NEB: variants seen among roughly 807,000 people sequenced by gnomAD.
NEB encodes nemaline myopathy type 2.
A neutral mutation model predicts 952.2 loss-of-function variants in NEB; 512 were observed. The observed-to-expected ratio is 0.54, with a 90% CI of 0.50 to 0.58. The LOEUF is 0.58. Among genes scored for constraint, NEB ranks in the 20% least tolerant of loss-of-function variants. The pLI is 0.00. For synonymous variants in NEB, 2,900 were observed against 3,149.8 expected (o/e 0.92, Z 2.66); for missense variants, 8,428 against 9,231.1 (o/e 0.91, Z 3.56).
In NEB at chr2:151,697,609, T is replaced by C. The variant is rs2099605680; in HGVS notation, c.1192A>G (p.Ser398Gly). ...KENYEKTKAK[S>G]INYCETPKFK... ...TTGGGGGTCTCGCAGTAATTTATGC[T>C]CTTTGCTTTTGTCTTTTCATAGTTT... Residue 398 changes from serine (S) to glycine (G), a missense_variant, in exon 14 of 182, where the codon AGC becomes GGC. Ser to Gly is a moderately conservative substitution (Grantham distance 56). This residue lies in a region of NEB where 2,851 missense variants were observed against 2,791.5 expected (regional missense o/e 1.02). Transcript: ENST00000397345. 6.2e-7 allele frequency: 1 copy of C among 1,612,252 alleles called. No homozygotes were observed. The highest frequency in any genetic ancestry group is 1.1e-5 in the South Asian group (1 of 90,568).
chr2:151,640,708 T>C (rs1277078714), intron 60 of NEB, 42 bp from the exon 61 acceptor site: 17 of 1,561,754 alleles, frequency 1.1e-5, no homozygotes, highest in Admixed American at 1.9e-5. Context: ...TTTTAACTTT[T>C]AGTAAAAAGC....
intron 52 of NEB, among the ~76,000 whole-genome samples, 199 bp downstream of exon 52, chr2:151,653,793 C>T (rs568910689): frequency 1.3e-5 from 2 of 152,124 alleles, no homozygotes; most frequent in Admixed American, 6.6e-5. Context: ...TCGTCTGGCC[C>T]GACCTCTATT....
rs1411223648 is a variant in NEB, at chr2:151,547,501, C to T, written c.20295G>A (p.Gln6765=). 1 of 1,606,794 alleles carries T rather than the reference C, an allele frequency of 6.2e-7. No individual in the cohort carries two copies. The highest frequency in any genetic ancestry group is 1.3e-5 in the African/African-American group (1 of 74,862). Residue 6765 remains glutamine (Q), a synonymous_variant, in exon 133 of 182, where the codon CAG becomes CAA. Coordinates refer to ENST00000397345, the MANE Select transcript of NEB (RefSeq NM_001164508.2). The part of the protein sequence containing the change: ...LIYKSDFFKM[Q]GHMISLPYTP... ...TGTATGGCAGAGAGATCATGTGGCC[C>T]TGCATCTTGAAGAAGTCTGATTTGT...
rs1175304180 is a variant in NEB, at chr2:151,700,003, C to T, written c.1153-2355G>A. Reference sequence around the variant, plus strand: ...AGGGTTTTTATGGTTTTAGGTCTAACGTTTAAGTCTTTAATCCATCTTGAA... The same window carrying T: ...AGGGTTTTTATGGTTTTAGGTCTAATGTTTAAGTCTTTAATCCATCTTGAA... On this transcript the variant is annotated intron_variant, in intron 13 of 181. Coordinates refer to ENST00000397345, the MANE Select transcript of NEB (RefSeq NM_001164508.2). 1.1e-3 allele frequency among the ~76,000 whole-genome samples: 140 copies of T among 130,908 alleles called. No homozygotes were observed. The East Asian group carries it at 0.025, about 23-fold the overall frequency. The allele number at this position is 130,908 out of a possible 152,430, so 85.9% of individuals were successfully genotyped here.
chr2:151,567,119 CA>C (rs2096441430), intron 114 of NEB, 48 bp downstream of exon 114: 2 of 1,455,818 alleles, frequency 1.4e-6, no homozygotes, highest in East Asian at 2.3e-5. Context: ...TCATCATTCT[CA>C]GAGTGTACCA....
At chr2:151,707,732 T>C (rs1305781593) in intron 12 of NEB, among the ~76,000 whole-genome samples, 1 of 152,124 alleles carries the variant, frequency 6.6e-6, no homozygotes, top group East Asian at 1.9e-4. Flanking sequence ...TGTAAGCCCT[T>C]TATTCAGGCA....
chr2:151,608,976 T>A (rs540911325), intron 81 of NEB, among the ~76,000 whole-genome samples: 53 of 129,816 alleles, frequency 4.1e-4, no homozygotes, highest in African/African-American at 1.4e-3. Flanking sequence ...AAAGATTGTA[T>A]GAGAAGCAAG....
Position 151,507,028 on chromosome 2 carries a change from T to TA in NEB, c.23452-16dup, listed in dbSNP as rs1553601622. ...TGGTATTGGAGCTATGAAGAAAGAG[T>TA]AAACATCTTGTTAAGATTTCAACAT... is the stretch of plus-strand genomic sequence containing the variant. On this transcript the variant is annotated splice_polypyrimidine_tract_variant and intron_variant, in intron 162 of 181. Transcript: ENST00000397345. 1 of 1,438,724 alleles carries TA rather than the reference T, an allele frequency of 7.0e-7. No individual in the cohort carries two copies. Among genetic ancestry groups the TA allele is most frequent in the African/African-American group, 1.4e-5 (1 of 71,008 alleles). The allele number at this position is 1,438,724 out of a possible 1,614,324, so 89.1% of individuals were successfully genotyped here. A position where few individuals can be genotyped will look rare whatever the true frequency, so the allele number is the denominator to read the frequency against.
Position 151,687,427 on chromosome 2 carries a change from G to A in NEB, c.2629C>T (p.Gln877Ter). 1 of 1,611,966 alleles carries A rather than the reference G, an allele frequency of 6.2e-7. No homozygotes were observed. Among genetic ancestry groups the A allele is most frequent in the Non-Finnish European group, 8.5e-7 (1 of 1,178,048 alleles). ...MLHSLKTAKN[Q>*]SDREYRKDYE... ...TTCACAAAGACACTCACATCACTCT[G>A]GTTTTTGGCTGTCTTCAAGGAGTGC... The change falls in exon 27 of 182, where the codon CAG (glutamine) becomes TAG (stop). Residue 877 changes from glutamine to a stop codon, truncating the protein, a stop_gained. Coordinates refer to ENST00000397345, the MANE Select transcript of NEB (RefSeq NM_001164508.2). LOFTEE classifies it high-confidence loss of function.
intron 107 of NEB, among the ~76,000 whole-genome samples, chr2:151,573,095 T>C (rs2096703553): frequency 6.6e-6 from 1 of 152,188 alleles, no homozygotes; most frequent in Non-Finnish European, 1.5e-5. Flanking sequence ...TCTGCTAAAG[T>C]TGTGCTTTCT....
Position 151,514,366 on chromosome 2 carries a change from A to G in NEB, c.23079T>C (p.Asp7693=), listed in dbSNP as rs745425031. Residue 7693 remains aspartate, a synonymous_variant, in exon 159 of 182, where the codon GAT becomes GAC. Transcript: ENST00000397345. ...IRGKGLTEME[D]TPDMLRAKNA... Reference sequence around the variant, plus strand: ...TCTTTGCTCTTAGCATGTCAGGTGTATCTTCCATTTCAGTGAGGCCCTTCC... The same window carrying G: ...TCTTTGCTCTTAGCATGTCAGGTGTGTCTTCCATTTCAGTGAGGCCCTTCC... The G allele has an allele frequency of 1.9e-6, 3 of 1,613,854 alleles. No individual in the cohort carries two copies. Among genetic ancestry groups the G allele is most frequent in the Admixed American group, 3.3e-5 (2 of 60,018 alleles).
chr2:151,648,272 T>C (rs772443339), intron 54 of NEB, among the ~76,000 whole-genome samples: 2 of 152,208 alleles, frequency 1.3e-5, no homozygotes, highest in Non-Finnish European at 2.9e-5. Context: ...GCATGAGATG[T>C]GTGTGTCTGG....
At chr2:151,717,903 G>C (rs561380484) in intron 9 of NEB, among the ~76,000 whole-genome samples, 177 of 144,664 alleles carry the variant, frequency 1.2e-3, no homozygotes, top group African/African-American at 4.2e-3. Context: ...GCCCAGGCTG[G>C]AATGCAGTAG....
chr2:151,636,342 TGG>T lies in NEB; in HGVS notation c.8995-10_8995-9del. 6.3e-7 allele frequency: 1 copy of T among 1,594,382 alleles called. No individual in the cohort carries two copies. The highest frequency in any genetic ancestry group is 8.5e-7 in the Non-Finnish European group (1 of 1,174,254). ...AGCAAGTTTGTACAGACTCTAAATTTGGGGGAAAAAAAATCAGATGCTGACAT... is the reference window on the plus strand; with the variant it reads ...AGCAAGTTTGTACAGACTCTAAATTTGGGAAAAAAAATCAGATGCTGACAT... On this transcript the variant is annotated splice_polypyrimidine_tract_variant and intron_variant, in intron 63 of 181. Coordinates refer to ENST00000397345, the MANE Select transcript of NEB (RefSeq NM_001164508.2).
At chr2:151,642,288 T>C (rs944355475) in intron 60 of NEB, among the ~76,000 whole-genome samples, 4 of 152,228 alleles carry the variant, frequency 2.6e-5, no homozygotes, top group South Asian at 2.1e-4. Flanking sequence ...AGATACATCA[T>C]TGGAAAAGCC....
rs1458766279 is a variant in NEB at position 151,725,473 on chromosome 2, CTTT to C, written c.379_381del (p.Lys127del). 4 of 1,613,262 alleles carry C rather than the reference CTTT, an allele frequency of 2.5e-6. No homozygotes were observed. In the East Asian group the frequency reaches 8.9e-5, roughly 36 times the overall value. ...CCCACCTCACTGAGTTGATCTTGTA[CTTT>C]TTTGATTCTGCGAAGTTCTGGAGTA... On this transcript the variant is annotated inframe_deletion, in exon 6 of 182. Coordinates refer to ENST00000397345, the MANE Select transcript of NEB (RefSeq NM_001164508.2).
At chr2:151,549,479 C>A (rs73967562) in intron 130 of NEB, among the ~76,000 whole-genome samples, 157 bp downstream of exon 130, 5,102 of 152,262 alleles carry the variant, frequency 0.034, 248 homozygotes, top group East Asian at 0.15. Flanking sequence ...TTGCACAGCA[C>A]CCCTCAAAAA....
At position 151,506,951 on chromosome 2, in the gene NEB, T is replaced by C. The variant is rs1575473569; in HGVS notation, c.23514A>G (p.Pro7838=). The C allele has an allele frequency of 2.5e-6, 4 of 1,611,670 alleles. No homozygotes were observed. The highest frequency in any genetic ancestry group is 1.7e-4 in the Middle Eastern group (1 of 5,858). ...KGKITVVQDT[P]EILRVKENQK... The stretch of plus-strand genomic sequence containing the variant: ...GATTTTCTTTTACACGCAGTATTTC[T>C]GGCGTGTCTTGAACAACTGTAATTT... The change falls in exon 163 of 182, where the codon CCA becomes CCG. Residue 7838 remains proline (P), a synonymous_variant. Coordinates refer to ENST00000397345, the MANE Select transcript of NEB (RefSeq NM_001164508.2).
rs750900690 is a variant in NEB, at chr2:151,527,528, G to A, written c.21793C>T (p.Arg7265Ter). The change falls in exon 147 of 182, where the codon CGA (arginine) becomes TGA (stop). Residue 7265 changes from arginine (R) to a stop codon, truncating the protein, a stop_gained. Transcript: ENST00000397345. LOFTEE classifies it high-confidence loss of function. ...TTGGCAGCCTGGAGGAAGTCCGGTCGGTCAGGAGTCCACTTCCAGTGGGCT... is the reference window on the plus strand; with the variant it reads ...TTGGCAGCCTGGAGGAAGTCCGGTCAGTCAGGAGTCCACTTCCAGTGGGCT... ...NKAHWKWTPD[R>*]PDFLQAAKSS... 1.9e-6 allele frequency: 3 copies of A among 1,613,420 alleles called. No homozygotes were observed. Among genetic ancestry groups the A allele is most frequent in the African/African-American group, 1.3e-5 (1 of 75,046 alleles).
Sources: allele counts gnomAD v4.1 joint callset (sites outside exome capture counted in the v4.1 genomes callset), GRCh38; gene constraint gnomAD v4.1.1; regional missense constraint gnomAD v4.1.1; transcripts MANE v1.5; gene names NCBI Gene and HGNC (gene_info 2026-07-23, HGNC 2026-07-21).